XKR6: variants seen among roughly 807,000 people sequenced by gnomAD.
XKR6 encodes XK-related protein 6.
XKR6 carries 22 observed loss-of-function variants against 56.7 expected under a neutral mutation model. The observed-to-expected ratio is 0.39, with a 90% CI of 0.28 to 0.55. The LOEUF is 0.55. Among genes scored for constraint, XKR6 ranks in the 20% least tolerant of loss-of-function variants. XKR6 has a pLI of 0.66. For synonymous variants in XKR6, 524 were observed against 387.8 expected (o/e 1.35, Z -4.13); for missense variants, 852 against 889.0 (o/e 0.96, Z 0.53).
chr8:10,924,971 G>A (rs1800837433), intron 1 of XKR6, 141 bp from the exon 2 acceptor site: 1 of 862,650 alleles, frequency 1.2e-6, no homozygotes, highest in South Asian at 1.9e-5. Context: ...CTTGGACGGG[G>A]CTCTGGGGGG....
intron 1 of XKR6, among the ~76,000 whole-genome samples, chr8:11,190,831 C>G (rs890169074): frequency 6.6e-6 from 1 of 152,194 alleles, no homozygotes; most frequent in Non-Finnish European, 1.5e-5. Flanking sequence ...TACTTTATCA[C>G]TTTAAGCTCA....
chr8:11,178,617 A>G lies in XKR6; in HGVS notation c.764+21959T>C, dbSNP rs544472562. Among the ~76,000 whole-genome samples the G allele has an allele frequency of 7.9e-4, 102 of 128,496 alleles. 1 individual carries two copies. In the Middle Eastern group the frequency reaches 0.011, roughly 14 times the overall value. 84.3% of individuals were successfully genotyped at this position (128,496 alleles called of 152,430 possible). A position where few individuals can be genotyped will look rare whatever the true frequency, so the allele number is the denominator to read the frequency against. ...CACACACACACAAATATATATATAT[A>G]TACACACACAAATATATATATACAC... On this transcript the variant is annotated intron_variant, in intron 1 of 2. Coordinates refer to ENST00000416569, the MANE Select transcript of XKR6 (RefSeq NM_173683.4).
At chr8:11,052,192 C>A (rs1015324168) in intron 1 of XKR6, among the ~76,000 whole-genome samples, 4 of 152,124 alleles carry the variant, frequency 2.6e-5, no homozygotes, top group Non-Finnish European at 4.4e-5. Context: ...CGCTTGGGGT[C>A]TCCTGCCTGG....
chr8:10,994,789 A>G (rs1053190785), intron 1 of XKR6, among the ~76,000 whole-genome samples: 2 of 152,268 alleles, frequency 1.3e-5, no homozygotes, highest in African/African-American at 4.8e-5. Flanking sequence ...GGAACTAATT[A>G]ACAATACAGC....
At chr8:11,139,613 C>A (rs73665005) in intron 1 of XKR6, among the ~76,000 whole-genome samples, 1 of 152,048 alleles carries the variant, frequency 6.6e-6, no homozygotes, top group East Asian at 1.9e-4. Context: ...AGGCCTCACA[C>A]TGAGGAGAAA....
At chr8:11,144,940 A>AGGAAAGAAG (rs1025362618) in intron 1 of XKR6, among the ~76,000 whole-genome samples, 2 of 145,450 alleles carry the variant, frequency 1.4e-5, no homozygotes, top group Non-Finnish European at 1.5e-5. Flanking sequence ...GAGAGAAGCG[A>AGGAAAGAAG]GGAAAGAAGG....
intron 1 of XKR6, among the ~76,000 whole-genome samples, chr8:11,099,470 T>TGGCACTGCTGGGCAGGGC (rs1418440510): frequency 6.6e-6 from 1 of 152,232 alleles, no homozygotes; most frequent in African/African-American, 2.4e-5. Context: ...GAGGCAGGAA[T>TGGCACTGCTGGGCAGGGC]GGCACTGCTG....
chr8:11,037,030 G>A (rs1186746472), intron 1 of XKR6, among the ~76,000 whole-genome samples: 2 of 152,148 alleles, frequency 1.3e-5, no homozygotes, highest in African/African-American at 4.8e-5. Context: ...GCAGGTTTTT[G>A]TATTTATTAT....
At chr8:11,066,067 G>T (rs1005720857) in intron 1 of XKR6, among the ~76,000 whole-genome samples, 1 of 152,208 alleles carries the variant, frequency 6.6e-6, no homozygotes, top group African/African-American at 2.4e-5. Context: ...TCCCCCAAAT[G>T]CACCCTGACT....
chr8:11,195,098 G>A, intron 1 of XKR6: 2 of 702,800 alleles, frequency 2.8e-6, no homozygotes, highest in Non-Finnish European at 5.2e-6. Flanking sequence ...TACCCTCACA[G>A]CTAAGCAAGT....
At chr8:10,901,453 A>G (rs767092622) in intron 2 of XKR6, among the ~76,000 whole-genome samples, 30 of 152,134 alleles carry the variant, frequency 2.0e-4, no homozygotes, top group Admixed American at 1.9e-3. Flanking sequence ...GATTACAGGC[A>G]TGAGTCACCA....
At chr8:10,931,215 A>G (rs894186382) in intron 1 of XKR6, among the ~76,000 whole-genome samples, 2 of 152,210 alleles carry the variant, frequency 1.3e-5, no homozygotes, top group Admixed American at 6.5e-5. Context: ...CTTAGAGACA[A>G]ATCTACTGAA....
chr8:11,056,445 C>T (rs991981290), intron 1 of XKR6, among the ~76,000 whole-genome samples: 1 of 152,174 alleles, frequency 6.6e-6, no homozygotes, highest in Non-Finnish European at 1.5e-5. Context: ...TGTGTTCACC[C>T]GGAAAGTGTC....
intron 1 of XKR6, among the ~76,000 whole-genome samples, chr8:10,943,281 G>C (rs1801440485): frequency 6.6e-6 from 1 of 152,246 alleles, no homozygotes. Context: ...CAAACAGGCA[G>C]TTACTATGAT....
intron 1 of XKR6, among the ~76,000 whole-genome samples, chr8:11,158,250 G>A (rs1801623519): frequency 6.6e-6 from 1 of 152,312 alleles, no homozygotes; most frequent in East Asian, 1.9e-4. Flanking sequence ...GTCTGAGCGA[G>A]ATTATTATGG....
At chr8:11,140,276 T>C (rs1296197396) in intron 1 of XKR6, among the ~76,000 whole-genome samples, 2 of 151,930 alleles carry the variant, frequency 1.3e-5, no homozygotes, top group East Asian at 3.9e-4. Flanking sequence ...AAGACTACAA[T>C]CCAAGAAACG....
intron 1 of XKR6, among the ~76,000 whole-genome samples, chr8:11,067,721 C>A (rs1204531094): frequency 6.6e-6 from 1 of 152,232 alleles, no homozygotes; most frequent in Non-Finnish European, 1.5e-5. Flanking sequence ...CCCAAACTCC[C>A]TGAAGCTGGA....
chr8:11,000,399 T>C (rs1292178637), intron 1 of XKR6, among the ~76,000 whole-genome samples: 1 of 152,176 alleles, frequency 6.6e-6, no homozygotes, highest in African/African-American at 2.4e-5. Context: ...AGTAGACACA[T>C]ATTAGGCCAG....
rs1049601566 is a variant in XKR6, at chr8:11,019,956, G to A, written c.765-95126C>T. Among the ~76,000 whole-genome samples the A allele has an allele frequency of 4.6e-5, 7 of 152,132 alleles. No homozygotes were observed. In the South Asian group the frequency reaches 6.2e-4, roughly 14 times the overall value. ...GCAGGCTATAAATAGTGGAGGAACC[G>A]CCACTGATAATCCACTGGAGAGAAG... On this transcript the variant is annotated intron_variant, in intron 1 of 2. Transcript: ENST00000416569.
Sources: gnomAD v4.1 joint callset for allele counts (sites outside exome capture counted in the v4.1 genomes callset) on GRCh38, gnomAD v4.1.1 for gene constraint, MANE v1.5 for transcripts, NCBI Gene and HGNC (gene_info 2026-07-23, HGNC 2026-07-21) for gene names.